ACTR3C: variants seen among roughly 807,000 people sequenced by gnomAD.
ACTR3C encodes actin related protein 3C.
A neutral mutation model predicts 26.3 loss-of-function variants in ACTR3C; 18 were observed. The ratio of observed to expected loss-of-function variants is 0.68; its 90% CI spans 0.47 to 1.01. ACTR3C has a LOEUF of 1.01. Among genes scored for constraint, ACTR3C ranks in the 50% least tolerant of loss-of-function variants. The pLI, the probability that ACTR3C is intolerant of heterozygous loss-of-function variation, is 0.00. For synonymous variants in ACTR3C, 55 were observed against 94.5 expected (o/e 0.58, Z 2.42); for missense variants, 184 against 250.7 (o/e 0.73, Z 1.80).
At chr7:150,210,274 A>T in the ACTR3C span, among the ~76,000 whole-genome samples, 1 of 149,892 alleles carries the variant, frequency 6.7e-6, no homozygotes, top group African/African-American at 2.5e-5. Context: ...GCAGGTAGAA[A>T]TATAAAATTC....
chr7:150,128,562 G>T, the ACTR3C span, among the ~76,000 whole-genome samples: 2 of 151,494 alleles, frequency 1.3e-5, no homozygotes, highest in Non-Finnish European at 2.9e-5. Flanking sequence ...ATCAACCCCA[G>T]AATGGTGGTC....
chr7:149,897,842 C>T, the ACTR3C span, among the ~76,000 whole-genome samples: 1 of 152,156 alleles, frequency 6.6e-6, no homozygotes, highest in South Asian at 2.1e-4. Flanking sequence ...CATGCCACTG[C>T]ACTCCAGCCT....
chr7:150,094,098 G>A, the ACTR3C span, among the ~76,000 whole-genome samples: 1 of 150,542 alleles, frequency 6.6e-6, no homozygotes, highest in Non-Finnish European at 1.5e-5. Flanking sequence ...GGGCCACGTG[G>A]CCTCAGAGCC....
At chr7:149,884,920 C>T in the ACTR3C span, among the ~76,000 whole-genome samples, 1 of 152,210 alleles carries the variant, frequency 6.6e-6, no homozygotes. Context: ...TAAACCAGCT[C>T]CCAAGGGTTT....
chr7:150,295,470 G>C (rs1563192083), intron 1 of ACTR3C, 123 bp from the exon 2 acceptor site: 1 of 1,087,140 alleles, frequency 9.2e-7, no homozygotes, highest in Non-Finnish European at 1.4e-6. Context: ...TAATTTTACA[G>C]ACAGAGGATG....
chr7:149,889,230 C>T, the ACTR3C span, among the ~76,000 whole-genome samples: 2 of 152,114 alleles, frequency 1.3e-5, no homozygotes, highest in African/African-American at 2.4e-5. Flanking sequence ...TGCAGCCCTA[C>T]CTTAGATCAT....
rs1192764981 is a variant in ACTR3C at position 150,250,202 on chromosome 7, CTTTTTT to C, written c.565-1154_565-1149del. Among the ~76,000 whole-genome samples, 221 of 125,496 alleles carry C rather than the reference CTTTTTT, an allele frequency of 1.8e-3. 11 individuals carry two copies. Among genetic ancestry groups the C allele is most frequent in the African/African-American group, 7.3e-3 (215 of 29,320 alleles). The allele number at this position is 125,496 out of a possible 152,430, so 82.3% of individuals were successfully genotyped here. ...ATGAGCAAGAAATGACAGAATCTGACTTTTTTTTTTTTTTTTTTTGAGACGGAGTCT... is the reference window on the plus strand; with the variant it reads ...ATGAGCAAGAAATGACAGAATCTGACTTTTTTTTTTTTTGAGACGGAGTCT... On this transcript the variant is annotated intron_variant, in intron 6 of 7. Coordinates refer to ENST00000683684, the MANE Select transcript of ACTR3C (RefSeq NM_001164458.2).
the ACTR3C span, among the ~76,000 whole-genome samples, chr7:150,199,746 A>AC: frequency 6.9e-6 from 1 of 144,860 alleles, no homozygotes; most frequent in South Asian, 2.1e-4. Context: ...AAAAAAAAAA[A>AC]ACATAGTACT....
At chr7:150,178,744 C>T in the ACTR3C span, among the ~76,000 whole-genome samples, 4 of 150,652 alleles carry the variant, frequency 2.7e-5, no homozygotes, top group South Asian at 4.2e-4. Flanking sequence ...GAGATGTCAT[C>T]GATTGTGTAA....
rs1383210265 is a variant in ACTR3C at position 150,257,364 on chromosome 7, A to G, written c.565-8310T>C. Among the ~76,000 whole-genome samples, 4 of 152,344 alleles carry G rather than the reference A, an allele frequency of 2.6e-5. No individual in the cohort carries two copies. The East Asian group carries it at 7.7e-4, about 29-fold the overall frequency. The stretch of plus-strand genomic sequence containing the variant: ...TTTAGAACTGCAGAGCTCCAGGGAC[A>G]TATGAATGCATGGCTGAGGTCACTG... On this transcript the variant is annotated intron_variant, in intron 6 of 7. Transcript: ENST00000683684.
chr7:150,121,306 G>T, the ACTR3C span, among the ~76,000 whole-genome samples: 1 of 152,188 alleles, frequency 6.6e-6, no homozygotes, highest in Non-Finnish European at 1.5e-5. Flanking sequence ...GTTTGCAGAT[G>T]ACATGACTGT....
chr7:149,941,852 C>T, the ACTR3C span, among the ~76,000 whole-genome samples: 3 of 151,702 alleles, frequency 2.0e-5, no homozygotes, highest in East Asian at 1.9e-4. Context: ...CGAAGCCCTG[C>T]CTATGGAAAA....
the ACTR3C span, among the ~76,000 whole-genome samples, chr7:150,052,031 A>G: frequency 1.3e-5 from 2 of 152,198 alleles, no homozygotes. Context: ...TTTTCCAAAT[A>G]CTAATATTTG....
the ACTR3C span, among the ~76,000 whole-genome samples, chr7:150,142,230 T>A: frequency 6.6e-6 from 1 of 152,090 alleles, no homozygotes; most frequent in Admixed American, 6.5e-5. Flanking sequence ...TCGTCTACAT[T>A]CCCAGCCTGC....
chr7:150,058,193 C>T, the ACTR3C span, among the ~76,000 whole-genome samples: 3 of 152,216 alleles, frequency 2.0e-5, no homozygotes, highest in African/African-American at 7.2e-5. Context: ...GCACCGAACA[C>T]TGAGAAAAGC....
At chr7:149,882,466 C>T in the ACTR3C span, among the ~76,000 whole-genome samples, 1 of 152,154 alleles carries the variant, frequency 6.6e-6, no homozygotes, top group Non-Finnish European at 1.5e-5. Flanking sequence ...GTAGCTCCTT[C>T]CCAGGCAGGG....
chr7:150,239,147 G>A (rs1832033243), downstream of ACTR3C, among the ~76,000 whole-genome samples: 2 of 151,638 alleles, frequency 1.3e-5, no homozygotes, highest in Middle Eastern at 3.2e-3. Context: ...TCTGTTTCAG[G>A]CACGCTGGCT....
At chr7:150,093,278 CCA>C in the ACTR3C span, among the ~76,000 whole-genome samples, 1 of 150,992 alleles carries the variant, frequency 6.6e-6, no homozygotes, top group Admixed American at 6.6e-5. Flanking sequence ...GGGTGAGACC[CCA>C]GTGTGTGCAT....
the ACTR3C span, among the ~76,000 whole-genome samples, chr7:150,142,366 A>C: frequency 1.3e-5 from 2 of 152,196 alleles, no homozygotes; most frequent in Admixed American, 1.3e-4. Context: ...GGAATGAGGC[A>C]ACGCTTCAGG....
Sources: allele counts gnomAD v4.1 joint callset (sites outside exome capture counted in the v4.1 genomes callset), GRCh38; gene constraint gnomAD v4.1.1; transcripts MANE v1.5; gene names NCBI Gene and HGNC (gene_info 2026-07-23, HGNC 2026-07-21).